Variants in SLC2A13 observed in about 807,000 individuals in gnomAD.
SLC2A13 encodes solute carrier family 2 member 13, also known as proton myo-inositol cotransporter.
In SLC2A13, 32 loss-of-function variants were observed where a neutral mutation model predicts 64.4. The observed-to-expected ratio is 0.50, with a 90% CI of 0.37 to 0.67. SLC2A13 has a LOEUF of 0.67. Ranked by LOEUF, SLC2A13 falls within the 30% of genes least tolerant of loss-of-function variation. The pLI, the probability that SLC2A13 is intolerant of heterozygous loss-of-function variation, is 0.00. For missense variants in SLC2A13, 743 were observed against 829.2 expected, an observed-to-expected ratio of 0.90 and a Z score of 1.28; for synonymous variants, 338 against 327.1, an observed-to-expected ratio of 1.03 and a Z score of -0.36.
intron 4 of SLC2A13, among the ~76,000 whole-genome samples, chr12:39,896,157 C>T (rs891639440): frequency 3.5e-5 from 5 of 141,364 alleles, no homozygotes; most frequent in Admixed American, 7.2e-5. Flanking sequence ...TATGTATACA[C>T]GTGTATACAT....
At chr12:39,899,903 ATG>A (rs1945038223) in intron 4 of SLC2A13, among the ~76,000 whole-genome samples, 1 of 152,028 alleles carries the variant, frequency 6.6e-6, no homozygotes, top group African/African-American at 2.4e-5. Context: ...CCTTCCAACT[ATG>A]TGGTCAATTT....
intron 1 of SLC2A13, among the ~76,000 whole-genome samples, chr12:40,067,901 C>T (rs1442194591): frequency 6.6e-6 from 1 of 151,938 alleles, no homozygotes; most frequent in Non-Finnish European, 1.5e-5. Flanking sequence ...GTGAAAATTG[C>T]TTATTCTTTT....
chr12:39,880,045 C>CT (rs1944301311), intron 4 of SLC2A13, among the ~76,000 whole-genome samples: 1 of 151,406 alleles, frequency 6.6e-6, no homozygotes, highest in Non-Finnish European at 1.5e-5. Flanking sequence ...TCACCCTGCA[C>CT]TCTCTCTCTC....
chr12:40,028,273 A>T, intron 3 of SLC2A13, 28 bp downstream of exon 3: 1 of 1,560,672 alleles, frequency 6.4e-7, no homozygotes, highest in Non-Finnish European at 8.7e-7. Flanking sequence ...ATAGTTTTTA[A>T]ATTCATATAA....
At chr12:39,870,539 T>G (rs1944020348) in intron 5 of SLC2A13, among the ~76,000 whole-genome samples, 1 of 152,214 alleles carries the variant, frequency 6.6e-6, no homozygotes, top group African/African-American at 2.4e-5. Context: ...GGTAGGCTTC[T>G]GCCTTTAGTC....
Position 39,760,119 on chromosome 12 carries a change from A to T in SLC2A13, c.1854T>A (p.Thr618=). 6.2e-7 allele frequency: 1 copy of T among 1,613,032 alleles called. No individual in the cohort carries two copies. Among genetic ancestry groups the T allele is most frequent in the Non-Finnish European group, 8.5e-7 (1 of 1,179,368 alleles). The change falls in exon 10 of 10, where the codon ACT becomes ACA. Residue 618 remains threonine (T), a synonymous_variant. Coordinates refer to ENST00000280871, the MANE Select transcript of SLC2A13 (RefSeq NM_052885.4). ...LFDNRLCTCG[T]SDSDEGRYIE... ...TATATCTCCCTTCATCAGAATCTGA[A>T]GTGCCACATGTACATAGCCTGTTGT...
At chr12:40,075,838 T>TTAA (rs1286501290) in intron 1 of SLC2A13, among the ~76,000 whole-genome samples, 13 of 152,188 alleles carry the variant, frequency 8.5e-5, no homozygotes, top group South Asian at 2.1e-4. Flanking sequence ...TTACTTATAT[T>TTAA]TATCTGTCTT....
At chr12:39,882,539 T>C (rs1254218310) in intron 4 of SLC2A13, among the ~76,000 whole-genome samples, 1 of 152,228 alleles carries the variant, frequency 6.6e-6, no homozygotes, top group Non-Finnish European at 1.5e-5. Context: ...TTTCCGAAGA[T>C]GCACACTTTC....
intron 4 of SLC2A13, among the ~76,000 whole-genome samples, chr12:39,877,301 G>T (rs75061403): frequency 1.3e-5 from 2 of 152,090 alleles, no homozygotes; most frequent in African/African-American, 4.8e-5. Flanking sequence ...TGTCTTACAC[G>T]GTGGCAGGCA....
chr12:40,087,519 G>T (rs1938623102), intron 1 of SLC2A13, among the ~76,000 whole-genome samples: 1 of 152,142 alleles, frequency 6.6e-6, no homozygotes, highest in South Asian at 2.1e-4. Context: ...ACCTACAATA[G>T]AAAAATTTCT....
chr12:39,822,144 C>T (rs948454909), intron 7 of SLC2A13, among the ~76,000 whole-genome samples: 3 of 146,068 alleles, frequency 2.1e-5, no homozygotes, highest in South Asian at 2.2e-4. Flanking sequence ...TGTTCAATTC[C>T]CACCTATGAG....
rs527577062 is a variant in SLC2A13 at position 40,082,473 on chromosome 12, C to T, written c.556+22780G>A. Among the ~76,000 whole-genome samples the T allele has an allele frequency of 2.3e-4, 35 of 152,260 alleles. No individual in the cohort carries two copies. The South Asian group carries it at 4.6e-3, about 20-fold the overall frequency. Reference sequence around the variant, plus strand: ...ACAAAAGAGCTATGGCAGTAGCTGCCGGCAAGTGCCTCAGCTGGGCAACCA... The same window carrying T: ...ACAAAAGAGCTATGGCAGTAGCTGCTGGCAAGTGCCTCAGCTGGGCAACCA... On this transcript the variant is annotated intron_variant, in intron 1 of 9. Coordinates refer to ENST00000280871, the MANE Select transcript of SLC2A13 (RefSeq NM_052885.4).
chr12:39,899,042 T>A (rs1208823465), intron 4 of SLC2A13, among the ~76,000 whole-genome samples: 1 of 152,090 alleles, frequency 6.6e-6, no homozygotes, highest in East Asian at 1.9e-4. Context: ...ATTGGAATAG[T>A]TTCAGAAGGA....
intron 7 of SLC2A13, among the ~76,000 whole-genome samples, chr12:39,808,256 T>C (rs1566814124): frequency 6.6e-6 from 1 of 152,168 alleles, no homozygotes; most frequent in Non-Finnish European, 1.5e-5. Flanking sequence ...TCTGAAATTG[T>C]ACCAGGTTAC....
At chr12:40,017,186 A>G (rs557121713) in intron 3 of SLC2A13, among the ~76,000 whole-genome samples, 36 of 152,322 alleles carry the variant, frequency 2.4e-4, no homozygotes, top group African/African-American at 7.9e-4. Flanking sequence ...TCAAAGAAAC[A>G]TTTATGAAGT....
At chr12:39,776,046 T>C (rs1304846651) in intron 7 of SLC2A13, among the ~76,000 whole-genome samples, 1 of 152,216 alleles carries the variant, frequency 6.6e-6, no homozygotes, top group Non-Finnish European at 1.5e-5. Context: ...TTTGAGAAGA[T>C]GGGAGAAAGT....
intron 4 of SLC2A13, among the ~76,000 whole-genome samples, chr12:39,934,131 G>A (rs1265669700): frequency 6.6e-6 from 1 of 152,122 alleles, no homozygotes; most frequent in Non-Finnish European, 1.5e-5. Context: ...TGTAAGGGGT[G>A]GCAAATAGCA....
chr12:40,036,180 G>A (rs1051081629), intron 2 of SLC2A13, among the ~76,000 whole-genome samples: 4 of 152,154 alleles, frequency 2.6e-5, no homozygotes, highest in Admixed American at 1.3e-4. Context: ...TAGGCCCAGT[G>A]TAGGAGGAGT....
At chr12:39,795,436 T>C (rs1254169151) in intron 7 of SLC2A13, among the ~76,000 whole-genome samples, 1 of 152,198 alleles carries the variant, frequency 6.6e-6, no homozygotes, top group Admixed American at 6.5e-5. Context: ...TTTAAATATC[T>C]TAAACACAGT....
Sources: allele counts gnomAD v4.1 joint callset (sites outside exome capture counted in the v4.1 genomes callset), GRCh38; gene constraint gnomAD v4.1.1; transcripts MANE v1.5; gene names NCBI Gene and HGNC (gene_info 2026-07-23, HGNC 2026-07-21).